Variants in STPG2 observed in about 807,000 individuals in gnomAD.
STPG2 encodes sperm tail PG-rich repeat containing 2, also known as sperm-tail PG-rich repeat-containing protein 2.
STPG2 carries 56 observed loss-of-function variants against 54.2 expected under a neutral mutation model. That is an observed-to-expected ratio of 1.03 (90% CI 0.83 to 1.29). The LOEUF is 1.29. Ranked by LOEUF, STPG2 falls within the 50% of genes most tolerant of loss-of-function variation. STPG2 has a pLI of 0.00. For missense variants in STPG2, 596 were observed against 544.9 expected, an observed-to-expected ratio of 1.09 and a Z score of -0.93; for synonymous variants, 200 against 181.8, an observed-to-expected ratio of 1.10 and a Z score of -0.81.
intron 5 of STPG2, among the ~76,000 whole-genome samples, chr4:97,996,915 A>G (rs1372324738): frequency 2.0e-5 from 3 of 152,236 alleles, no homozygotes; most frequent in Admixed American, 6.5e-5. Flanking sequence ...CAGGATGGCT[A>G]TTACTAAAAA....
intron 8 of STPG2, among the ~76,000 whole-genome samples, chr4:97,867,144 G>T (rs572111014): frequency 6.6e-6 from 1 of 152,052 alleles, no homozygotes; most frequent in South Asian, 2.1e-4. Flanking sequence ...GTAATATGCT[G>T]TAATAAACTT....
chr4:97,682,696 A>G (rs1320287101), intron 10 of STPG2, among the ~76,000 whole-genome samples: 1 of 151,826 alleles, frequency 6.6e-6, no homozygotes, highest in Non-Finnish European at 1.5e-5. Context: ...CTATTATTAT[A>G]TCCATCACCA....
intron 10 of STPG2, among the ~76,000 whole-genome samples, chr4:97,712,425 A>C (rs1212795108): frequency 6.6e-6 from 1 of 152,170 alleles, no homozygotes; most frequent in Non-Finnish European, 1.5e-5. Flanking sequence ...AAGCAAGTGA[A>C]CTTTAATATT....
intron 5 of STPG2, among the ~76,000 whole-genome samples, chr4:98,020,191 C>A (rs1736127755): frequency 7.5e-6 from 1 of 133,230 alleles, no homozygotes; most frequent in Non-Finnish European, 1.6e-5. Context: ...AGATATGTCC[C>A]ATCAATACCT....
chr4:97,798,112 C>G (rs1217566344), intron 9 of STPG2, among the ~76,000 whole-genome samples: 2 of 151,946 alleles, frequency 1.3e-5, no homozygotes, highest in Non-Finnish European at 2.9e-5. Context: ...TATCAATTTT[C>G]TTGATCTTTT....
At chr4:97,831,851 C>G (rs1728479405) in intron 9 of STPG2, among the ~76,000 whole-genome samples, 1 of 152,180 alleles carries the variant, frequency 6.6e-6, no homozygotes, top group East Asian at 1.9e-4. Context: ...AGACCAATAA[C>G]AAGTTCTGAA....
chr4:97,586,439 T>C (rs34238861), intron 10 of STPG2, among the ~76,000 whole-genome samples: 3,336 of 151,998 alleles, frequency 0.022, 61 homozygotes, highest in Non-Finnish European at 0.031. Flanking sequence ...CTTCCAAAAT[T>C]TGATGGAAGA....
At chr4:97,969,030 G>T (rs1411261946) in intron 7 of STPG2, among the ~76,000 whole-genome samples, 1 of 152,122 alleles carries the variant, frequency 6.6e-6, no homozygotes, top group East Asian at 1.9e-4. Context: ...ACGCATGAAG[G>T]GCGCCTGTTC....
intron 5 of STPG2, among the ~76,000 whole-genome samples, chr4:98,027,860 G>A (rs984745875): frequency 6.6e-6 from 1 of 152,112 alleles, no homozygotes; most frequent in African/African-American, 2.4e-5. Context: ...GAATTCCAGA[G>A]TCTCAATAGT....
intron 9 of STPG2, among the ~76,000 whole-genome samples, chr4:97,815,248 G>A (rs543012417): frequency 1.5e-4 from 23 of 152,224 alleles, no homozygotes; most frequent in African/African-American, 4.8e-4. Context: ...GTGTGCATGC[G>A]TGTGCACACG....
chr4:97,931,982 T>G (rs1172713799), intron 8 of STPG2, among the ~76,000 whole-genome samples: 2 of 152,140 alleles, frequency 1.3e-5, no homozygotes, highest in Non-Finnish European at 2.9e-5. Flanking sequence ...GGAGGATGTA[T>G]GTGTCCAGGA....
At chr4:97,563,823 A>T (rs542986590) in intron 10 of STPG2, among the ~76,000 whole-genome samples, 44 of 152,034 alleles carry the variant, frequency 2.9e-4, no homozygotes, top group Admixed American at 9.2e-4. Context: ...ATAATTTCTG[A>T]TCTTTTACAT....
chr4:97,795,179 A>T (rs1222877343), intron 9 of STPG2, among the ~76,000 whole-genome samples: 2 of 151,916 alleles, frequency 1.3e-5, no homozygotes, highest in African/African-American at 4.8e-5. Flanking sequence ...ATGTGTTTCT[A>T]CTTTTTTTAT....
At chr4:97,559,237 A>G in intron 10 of STPG2, 120 bp from the exon 11 acceptor site, 1 of 649,146 alleles carries the variant, frequency 1.5e-6, no homozygotes. Flanking sequence ...AGTTAAATAT[A>G]TAAAATGATA....
At chr4:97,497,225 A>C (rs1255738254) in intron 4 of STPG2, among the ~76,000 whole-genome samples, 1 of 151,850 alleles carries the variant, frequency 6.6e-6, no homozygotes, top group Non-Finnish European at 1.5e-5. Context: ...AATCTAAGAA[A>C]AGCTAGAAAA....
Position 97,558,912 on chromosome 4 carries a change from A to G in STPG2, c.*146T>C, listed in dbSNP as rs2148872337. The G allele has an allele frequency of 3.0e-6, 2 of 666,172 alleles. No individual in the cohort carries two copies. Among genetic ancestry groups the G allele is most frequent in the Non-Finnish European group, 2.6e-6 (1 of 378,474 alleles). 41.3% of individuals were successfully genotyped at this position (666,172 alleles called of 1,614,324 possible). A position where few individuals can be genotyped will look rare whatever the true frequency, so the allele number is the denominator to read the frequency against. ...GTTTATTTCTCCGTGGTTGTGTCAT[A>G]TAGTCACTAAAGCCTGAGCGAATGC... On this transcript the variant is annotated 3_prime_UTR_variant, in exon 11 of 11. Transcript: ENST00000295268.
intron 10 of STPG2, among the ~76,000 whole-genome samples, chr4:97,594,685 C>A (rs974941276): frequency 1.3e-5 from 2 of 152,142 alleles, no homozygotes; most frequent in African/African-American, 4.8e-5. Context: ...CCATCCCCAA[C>A]ACACAGATTC....
At chr4:98,096,262 C>T (rs955543279) in intron 5 of STPG2, among the ~76,000 whole-genome samples, 7 of 152,010 alleles carry the variant, frequency 4.6e-5, no homozygotes, top group Admixed American at 4.6e-4. Context: ...CCAGGCATGG[C>T]AGCATATACC....
chr4:97,767,493 A>C (rs1387132804), intron 9 of STPG2, among the ~76,000 whole-genome samples: 1 of 152,200 alleles, frequency 6.6e-6, no homozygotes, highest in Non-Finnish European at 1.5e-5. Context: ...TTAGAGTTTA[A>C]ATTTTACAAT....
Sources: allele counts gnomAD v4.1 joint callset (sites outside exome capture counted in the v4.1 genomes callset), GRCh38; gene constraint gnomAD v4.1.1; transcripts MANE v1.5; gene names NCBI Gene and HGNC (gene_info 2026-07-23, HGNC 2026-07-21).